MYCBP2: variants seen among roughly 807,000 people sequenced by gnomAD.
MYCBP2 encodes the protein MYC binding protein 2.
MYCBP2 carries 120 observed loss-of-function variants against 525.3 expected under a neutral mutation model. The ratio of observed to expected loss-of-function variants is 0.23; its 90% CI spans 0.20 to 0.27. The LOEUF (loss-of-function observed/expected upper bound fraction) is 0.27. Ranked by LOEUF, MYCBP2 falls within the 10% of genes least tolerant of loss-of-function variation. MYCBP2 has a pLI of 1.00. For synonymous variants in MYCBP2, 1,894 were observed against 1,955.8 expected (o/e 0.97, Z 0.83); for missense variants, 4,149 against 5,657.1 (o/e 0.73, Z 8.55).
intron 55 of MYCBP2, among the ~76,000 whole-genome samples, chr13:77,117,752 G>T (rs1314719600): frequency 6.6e-6 from 1 of 151,950 alleles, no homozygotes; most frequent in African/African-American, 2.4e-5. Flanking sequence ...AGGTTATTAA[G>T]AAAAAAGAAC....
intron 30 of MYCBP2, among the ~76,000 whole-genome samples, chr13:77,187,344 T>C (rs985542850): frequency 6.6e-6 from 1 of 152,216 alleles, no homozygotes; most frequent in African/African-American, 2.4e-5. Context: ...GTTCTCATAG[T>C]CTTTTATTCA....
chr13:77,253,896 A>AT (rs1160494615), intron 14 of MYCBP2, among the ~76,000 whole-genome samples: 1 of 151,986 alleles, frequency 6.6e-6, no homozygotes, highest in Non-Finnish European at 1.5e-5. Context: ...CAATAGAGCA[A>AT]TTACATCAGA....
chr13:77,074,643 G>A (rs893889594), intron 68 of MYCBP2, among the ~76,000 whole-genome samples: 4 of 152,034 alleles, frequency 2.6e-5, no homozygotes, highest in Admixed American at 6.5e-5. Flanking sequence ...AACAAATTAC[G>A]GTAAATCCAT....
intron 1 of MYCBP2, among the ~76,000 whole-genome samples, chr13:77,298,583 G>T (rs1594763180): frequency 1.3e-5 from 2 of 152,156 alleles, no homozygotes; most frequent in East Asian, 3.9e-4. Context: ...AAATGAGGAA[G>T]TTGAGAGCTA....
intron 55 of MYCBP2, among the ~76,000 whole-genome samples, chr13:77,105,790 A>C (rs1163043955): frequency 2.6e-5 from 4 of 152,122 alleles, no homozygotes; most frequent in Non-Finnish European, 4.4e-5. Flanking sequence ...AATTTTAAAG[A>C]ATCAGGATTT....
chr13:77,273,592 T>G lies in MYCBP2; in HGVS notation c.825A>C (p.Thr275=), dbSNP rs754613098. The change falls in exon 5 of 83, where the codon ACA becomes ACC. Residue 275 remains threonine, a synonymous_variant. Transcript: ENST00000544440. ...GMNDSTGQSL[T]ALSCACLFSL... is the part of the protein sequence containing the mutation. ...TAAAGAGGCAAGCACAGGAAAGTGC[T>G]GTTAAGGACTGTCCTGTGCTGTCAT... The G allele has an allele frequency of 8.7e-6, 14 of 1,613,242 alleles. No homozygotes were observed. The highest frequency in any genetic ancestry group is 1.2e-5 in the Non-Finnish European group (14 of 1,179,758).
At chr13:77,305,226 A>C (rs1326265211) in intron 1 of MYCBP2, among the ~76,000 whole-genome samples, 1 of 152,114 alleles carries the variant, frequency 6.6e-6, no homozygotes, top group Non-Finnish European at 1.5e-5. Context: ...AAAATTTCAG[A>C]CCAATATCTC....
intron 39 of MYCBP2, 79 bp from the exon 40 acceptor site, chr13:77,168,725 G>T: frequency 7.8e-7 from 1 of 1,285,218 alleles, no homozygotes; most frequent in Non-Finnish European, 1.1e-6. Context: ...ATAATTGTTG[G>T]TTACTCTAAT....
chr13:77,255,472 A>G lies in MYCBP2; in HGVS notation c.2176+2199T>C, dbSNP rs150542766. ...TACGCTCAATTTTCACAAGAGTTTC[A>G]GAATAAGGAAACAATGTTGTTTAGT... is the stretch of plus-strand genomic sequence containing the variant. On this transcript the variant is annotated intron_variant, in intron 14 of 82. Transcript: ENST00000544440. 1.7e-3 allele frequency among the ~76,000 whole-genome samples: 254 copies of G among 152,090 alleles called. 1 individual carries two copies. Among genetic ancestry groups the G allele is most frequent in the Middle Eastern group, 6.8e-3 (2 of 294 alleles).
chr13:77,134,293 G>A (rs573801428), intron 52 of MYCBP2, among the ~76,000 whole-genome samples: 1 of 152,272 alleles, frequency 6.6e-6, no homozygotes, highest in Non-Finnish European at 1.5e-5. Flanking sequence ...ACTGTGGGAA[G>A]CCAAGGTAGG....
intron 55 of MYCBP2, among the ~76,000 whole-genome samples, chr13:77,116,561 C>A (rs1050448672): frequency 2.6e-5 from 4 of 151,918 alleles, no homozygotes; most frequent in Non-Finnish European, 4.4e-5. Flanking sequence ...AATTTAGAGA[C>A]GTCCTGTTGC....
At chr13:77,171,448 A>C (rs73241423) in intron 38 of MYCBP2, 44 bp downstream of exon 38, 34,370 of 1,581,044 alleles carry the variant, frequency 0.022, 543 homozygotes, top group Middle Eastern at 0.054. Context: ...AATTTAGTGA[A>C]TAAAGAATCT....
In MYCBP2 at chr13:77,051,103, C is replaced by G. The variant is rs1271460154; in HGVS notation, c.13815G>C (p.Val4605=). ...TTGTTCCAAAACAGAAAAAAACAGC[C>G]ACTGAACAGCAGTAGCGACATTTAT... ...LEYKCRYCCS[V]AVFFCFGTTH... Residue 4605 remains valine, a synonymous_variant, in exon 82 of 83, where the codon GTG becomes GTC. Coordinates refer to ENST00000544440, the MANE Select transcript of MYCBP2 (RefSeq NM_015057.5). 3 of 1,613,278 alleles carry G rather than the reference C, an allele frequency of 1.9e-6. No homozygotes were observed. In the African/African-American group the frequency reaches 4.0e-5, roughly 22 times the overall value.
chr13:77,236,307 C>T (rs1462142364), intron 17 of MYCBP2, among the ~76,000 whole-genome samples: 2 of 152,126 alleles, frequency 1.3e-5, no homozygotes, highest in Admixed American at 6.5e-5. Flanking sequence ...TAGATAGAAG[C>T]TACACTCATG....
intron 54 of MYCBP2, among the ~76,000 whole-genome samples, chr13:77,123,722 C>T (rs1016384014): frequency 2.6e-5 from 4 of 152,166 alleles, no homozygotes; most frequent in Admixed American, 2.6e-4. Flanking sequence ...ATTTTTTGTA[C>T]TGCCAGTTAA....
chr13:77,216,923 A>G (rs961314956), intron 21 of MYCBP2, among the ~76,000 whole-genome samples: 3 of 152,222 alleles, frequency 2.0e-5, no homozygotes, highest in African/African-American at 7.2e-5. Flanking sequence ...TGAGAAAAAA[A>G]AATATTTTAT....
rs1470666196 is a variant in MYCBP2 at position 77,062,700 on chromosome 13, G to A, written c.12673-3C>T. 4.3e-6 allele frequency: 7 copies of A among 1,612,936 alleles called. No homozygotes were observed. Among genetic ancestry groups the A allele is most frequent in the East Asian group, 2.2e-5 (1 of 44,878 alleles). Reference sequence around the variant, plus strand: ...AGGGATGCGAGAGCAAGCCAGAGCTGTTGAAAGGGAAGGCTGTTACACCAC... The same window carrying A: ...AGGGATGCGAGAGCAAGCCAGAGCTATTGAAAGGGAAGGCTGTTACACCAC... On this transcript the variant is annotated splice_polypyrimidine_tract_variant and splice_region_variant and intron_variant, in intron 73 of 82. Transcript: ENST00000544440.
intron 19 of MYCBP2, 123 bp downstream of exon 19, chr13:77,225,312 G>A: frequency 1.6e-6 from 2 of 1,273,712 alleles, no homozygotes; most frequent in Non-Finnish European, 2.2e-6. Context: ...TTACAGATTT[G>A]AGAGACTGCC....
At chr13:77,178,038 T>C (rs761986451) in intron 34 of MYCBP2, 84 bp from the exon 35 acceptor site, 8 of 820,634 alleles carry the variant, frequency 9.7e-6, no homozygotes, top group Admixed American at 1.9e-5. Flanking sequence ...TCTAATAAAA[T>C]AACCTTTATT....
Sources: gnomAD v4.1 joint callset for allele counts (sites outside exome capture counted in the v4.1 genomes callset) on GRCh38, gnomAD v4.1.1 for gene constraint, MANE v1.5 for transcripts, NCBI Gene and HGNC (gene_info 2026-07-23, HGNC 2026-07-21) for gene names.